Variants in ATP10D observed in about 807,000 individuals in gnomAD.
The protein encoded by ATP10D is ATPase phospholipid transporting 10D (putative).
A neutral mutation model predicts 144.8 loss-of-function variants in ATP10D; 89 were observed. That is an observed-to-expected ratio of 0.61 (90% CI 0.52 to 0.73). The LOEUF (loss-of-function observed/expected upper bound fraction) is 0.73. ATP10D is among the 30% of genes least tolerant of loss of function. ATP10D has a pLI of 0.00. For synonymous variants in ATP10D, 571 were observed against 615.1 expected, an observed-to-expected ratio of 0.93 and a Z score of 1.06; for missense variants, 1,603 against 1,714.8, an observed-to-expected ratio of 0.93 and a Z score of 1.15.
At chr4:47,567,541 C>T (rs1486977740) in intron 15 of ATP10D, among the ~76,000 whole-genome samples, 1 of 152,160 alleles carries the variant, frequency 6.6e-6, no homozygotes, top group African/African-American at 2.4e-5. Context: ...ATACCTTAAA[C>T]ACAATCTGAT....
intron 21 of ATP10D, among the ~76,000 whole-genome samples, chr4:47,584,222 T>A (rs1183699801): frequency 1.3e-5 from 2 of 152,234 alleles, no homozygotes; most frequent in Non-Finnish European, 2.9e-5. Context: ...TTTCCCTTCA[T>A]GCTCTTATTC....
chr4:47,526,351 T>C (rs28400387), intron 5 of ATP10D, among the ~76,000 whole-genome samples: 3,049 of 152,298 alleles, frequency 0.02, 110 homozygotes, highest in African/African-American at 0.069. Context: ...ATCTCATAGA[T>C]GTAGAAAAAG....
rs756861927 is a variant in ATP10D, at chr4:47,546,680, A to C, written c.1453A>C (p.Thr485Pro). ...AVSEDEDFID[T>P]VSGSLSNMAK... ...CTCTGAAGATGAAGATTTTATAGAC[A>C]CAGTCAGTGGTTCCCTCAGCAATAT... The change falls in exon 10 of 23, where the codon ACA (threonine) becomes CCA (proline). Residue 485 changes from threonine to proline, a missense_variant. Coordinates refer to ENST00000273859, the MANE Select transcript of ATP10D (RefSeq NM_020453.4). 6.2e-7 allele frequency: 1 copy of C among 1,613,992 alleles called. No homozygotes were observed. Among genetic ancestry groups the C allele is most frequent in the African/African-American group, 1.3e-5 (1 of 74,916 alleles).
At chr4:47,560,202 C>G (rs918957288) in intron 13 of ATP10D, 1 of 152,162 alleles carries the variant, frequency 6.6e-6, no homozygotes, top group Non-Finnish European at 1.5e-5. Context: ...ATTGCCTCAC[C>G]TGCTTTACTC....
At chr4:47,520,272 T>G (rs1716877162) in intron 3 of ATP10D, among the ~76,000 whole-genome samples, 1 of 152,170 alleles carries the variant, frequency 6.6e-6, no homozygotes, top group Non-Finnish European at 1.5e-5. Context: ...TTTACCTACT[T>G]TCTTCTGACC....
chr4:47,525,714 AGT>A, intron 5 of ATP10D, 72 bp downstream of exon 5: 1 of 1,288,834 alleles, frequency 7.8e-7, no homozygotes, highest in African/African-American at 1.5e-5. Flanking sequence ...AATTTGATAA[AGT>A]GTTTCTGTGC....
Position 47,563,688 on chromosome 4 carries a change from A to G in ATP10D, c.2776A>G (p.Thr926Ala). The change falls in exon 15 of 23, where the codon ACA becomes GCA. Residue 926 changes from threonine to alanine, a missense_variant. Thr to Ala is a moderately conservative substitution (Grantham distance 58). Transcript: ENST00000273859. ...GATGCTGACAGGGGACAAGCAGGAG[A>G]CAGCTGTCAACATAGCTTATGCATG... ...IWMLTGDKQE[T>A]AVNIAYACKL... 1 of 1,613,956 alleles carries G rather than the reference A, an allele frequency of 6.2e-7. No individual in the cohort carries two copies. Among genetic ancestry groups the G allele is most frequent in the Non-Finnish European group, 8.5e-7 (1 of 1,179,966 alleles).
intron 15 of ATP10D, among the ~76,000 whole-genome samples, chr4:47,567,387 T>C (rs1006181605): frequency 1.3e-5 from 2 of 152,202 alleles, no homozygotes; most frequent in Non-Finnish European, 2.9e-5. Context: ...TTATAATCAA[T>C]TTATAATCAT....
intron 2 of ATP10D, among the ~76,000 whole-genome samples, chr4:47,513,917 G>A (rs879272678): frequency 6.6e-6 from 1 of 152,176 alleles, no homozygotes; most frequent in Non-Finnish European, 1.5e-5. Flanking sequence ...ATGGAGACCT[G>A]ACCTTGGAAC....
rs769293683 is a variant in ATP10D, at chr4:47,512,564, C to A, written c.24C>A (p.Ala8=). 6.2e-7 allele frequency: 1 copy of A among 1,613,974 alleles called. No individual in the cohort carries two copies. The highest frequency in any genetic ancestry group is 1.3e-5 in the African/African-American group (1 of 75,042). Residue 8 remains alanine, a synonymous_variant, in exon 2 of 23, where the codon GCC becomes GCA. Coordinates refer to ENST00000273859, the MANE Select transcript of ATP10D (RefSeq NM_020453.4). MTEALQW[A]RYHWRRLIRG... ...ATATGACTGAGGCTCTCCAATGGGC[C>A]AGATATCACTGGCGACGGCTGATCA...
intron 1 of ATP10D, among the ~76,000 whole-genome samples, chr4:47,503,908 A>C (rs1039985442): frequency 9.3e-5 from 14 of 151,234 alleles, no homozygotes; most frequent in Admixed American, 7.2e-4. Flanking sequence ...AAAAAAAATA[A>C]TAAATAAAAA....
At chr4:47,486,127 C>A (rs1714747068) in intron 1 of ATP10D, among the ~76,000 whole-genome samples, 1 of 152,176 alleles carries the variant, frequency 6.6e-6, no homozygotes, top group Non-Finnish European at 1.5e-5. Context: ...TCCCCCAAAA[C>A]ACTAACTTTA....
In ATP10D at chr4:47,546,688, T is replaced by C. The variant is rs1718450548; in HGVS notation, c.1461T>C (p.Ser487=). The C allele has an allele frequency of 6.2e-7, 1 of 1,614,142 alleles. No homozygotes were observed. Among genetic ancestry groups the C allele is most frequent in the Non-Finnish European group, 8.5e-7 (1 of 1,179,984 alleles). Residue 487 remains serine (S), a synonymous_variant, in exon 10 of 23, where the codon AGT becomes AGC. Coordinates refer to ENST00000273859, the MANE Select transcript of ATP10D (RefSeq NM_020453.4). Reference sequence around the variant, plus strand: ...ATGAAGATTTTATAGACACAGTCAGTGGTTCCCTCAGCAATATGGCAAAAC... The same window carrying C: ...ATGAAGATTTTATAGACACAGTCAGCGGTTCCCTCAGCAATATGGCAAAAC... ...SEDEDFIDTV[S]GSLSNMAKPR... is the part of the protein sequence containing the mutation.
At chr4:47,507,103 T>G (rs4467535) in intron 1 of ATP10D, among the ~76,000 whole-genome samples, 18,454 of 152,146 alleles carry the variant, frequency 0.12, 1,449 homozygotes, top group South Asian at 0.24. Context: ...GTTTAAGAAA[T>G]TAAACATAGA....
At chr4:47,488,527 A>G (rs886330578) in intron 1 of ATP10D, among the ~76,000 whole-genome samples, 1 of 150,926 alleles carries the variant, frequency 6.6e-6, no homozygotes, top group African/African-American at 2.4e-5. Flanking sequence ...TATTTTTCCT[A>G]ATATTCCAAA....
chr4:47,558,331 C>T, intron 12 of ATP10D, 58 bp downstream of exon 12: 1 of 1,560,178 alleles, frequency 6.4e-7, no homozygotes. Context: ...ATTAAAAGAC[C>T]ATACTTGATG....
chr4:47,580,594 AT>A, intron 20 of ATP10D, 116 bp downstream of exon 20: 10 of 862,996 alleles, frequency 1.2e-5, no homozygotes, highest in Non-Finnish European at 1.7e-5. Context: ...CAGGTTGATT[AT>A]TAACTGACTA....
chr4:47,522,575 T>G (rs1230065493), intron 3 of ATP10D, among the ~76,000 whole-genome samples: 4 of 152,098 alleles, frequency 2.6e-5, no homozygotes, highest in African/African-American at 9.7e-5. Context: ...AGCATTTTGT[T>G]TGTTTGTTTT....
At chr4:47,563,803 T>C (rs773770043) in intron 15 of ATP10D, 38 bp downstream of exon 15, 1 of 1,471,386 alleles carries the variant, frequency 6.8e-7, no homozygotes, top group South Asian at 1.4e-5. Flanking sequence ...TTCTGTATTT[T>C]CAAAGGCATT....
Sources: gnomAD v4.1 joint callset for allele counts (sites outside exome capture counted in the v4.1 genomes callset) on GRCh38, gnomAD v4.1.1 for gene constraint, MANE v1.5 for transcripts, NCBI Gene and HGNC (gene_info 2026-07-23, HGNC 2026-07-21) for gene names.